The following ASCC3 variants were observed in gnomAD, a reference collection of about 807,000 sequenced individuals.
ASCC3 encodes the protein activating signal cointegrator 1 complex subunit 3.
A neutral mutation model predicts 256.3 loss-of-function variants in ASCC3; 158 were observed. That is an observed-to-expected ratio of 0.62 (90% CI 0.54 to 0.70). ASCC3 has a LOEUF of 0.70. ASCC3 is among the 30% of genes least tolerant of loss of function. The probability of loss-of-function intolerance (pLI) is 0.00; values close to 1 mark genes in which losing one functional copy is unlikely to be tolerated. For synonymous variants in ASCC3, 948 were observed against 883.4 expected, an observed-to-expected ratio of 1.07 and a Z score of -1.30; for missense variants, 2,259 against 2,626.0, an observed-to-expected ratio of 0.86 and a Z score of 3.05.
At chr6:100,690,361 A>G (rs1777785559) in intron 13 of ASCC3, among the ~76,000 whole-genome samples, 1 of 152,146 alleles carries the variant, frequency 6.6e-6, no homozygotes, top group Non-Finnish European at 1.5e-5. Flanking sequence ...AGAACCCATG[A>G]ATATGGAGAG....
Position 100,817,245 on chromosome 6 carries a change from T to G in ASCC3, c.802-11365A>C, listed in dbSNP as rs563095057. Among the ~76,000 whole-genome samples, 18 of 151,502 alleles carry G rather than the reference T, an allele frequency of 1.2e-4. No homozygotes were observed. The South Asian group carries it at 3.5e-3, about 30-fold the overall frequency. On this transcript the variant is annotated intron_variant, in intron 4 of 41. Coordinates refer to ENST00000369162, the MANE Select transcript of ASCC3 (RefSeq NM_006828.4). The stretch of plus-strand genomic sequence containing the variant: ...TATGTGAGATGAATGAAAATAAAGA[T>G]CCAACAGAACAAAACTTACGGGATT...
At chr6:100,865,614 G>A (rs116425572) in intron 2 of ASCC3, among the ~76,000 whole-genome samples, 60 of 152,068 alleles carry the variant, frequency 3.9e-4, no homozygotes, top group African/African-American at 1.1e-3. Flanking sequence ...ACTCCTTCCC[G>A]GTATCAATCT....
chr6:100,614,404 T>A (rs943974173), intron 30 of ASCC3, among the ~76,000 whole-genome samples: 5 of 152,226 alleles, frequency 3.3e-5, no homozygotes, highest in African/African-American at 1.2e-4. Flanking sequence ...CATGTTGCTA[T>A]ACAATCACAG....
At chr6:100,520,601 G>A (rs963786420) in intron 37 of ASCC3, among the ~76,000 whole-genome samples, 2 of 152,028 alleles carry the variant, frequency 1.3e-5, no homozygotes, top group Non-Finnish European at 2.9e-5. Flanking sequence ...GATCAATAAC[G>A]AATGAACCTG....
chr6:100,851,896 C>T (rs143296724), intron 3 of ASCC3, among the ~76,000 whole-genome samples: 2 of 152,326 alleles, frequency 1.3e-5, no homozygotes, highest in East Asian at 3.9e-4. Flanking sequence ...CTTCCACTTT[C>T]ACCATCTTCC....
intron 8 of ASCC3, among the ~76,000 whole-genome samples, chr6:100,770,017 G>A (rs1781844409): frequency 6.6e-6 from 1 of 151,296 alleles, no homozygotes. Context: ...AATTTAAGAT[G>A]GAAATAATAT....
intron 4 of ASCC3, among the ~76,000 whole-genome samples, chr6:100,808,504 T>C (rs1770300767): frequency 6.6e-6 from 1 of 151,920 alleles, no homozygotes; most frequent in African/African-American, 2.4e-5. Context: ...GGATTCCCTT[T>C]GTAGGCTTAA....
At chr6:100,614,887 T>C (rs1359193241) in intron 30 of ASCC3, among the ~76,000 whole-genome samples, 1 of 152,198 alleles carries the variant, frequency 6.6e-6, no homozygotes, top group African/African-American at 2.4e-5. Context: ...ATGAAGAATG[T>C]CTAAAATTAT....
intron 1 of ASCC3, among the ~76,000 whole-genome samples, chr6:100,872,881 GAAC>G (rs1364101146): frequency 2.0e-5 from 3 of 152,246 alleles, no homozygotes; most frequent in Admixed American, 6.5e-5. Flanking sequence ...AAAATAATCT[GAAC>G]AACAGCCTTG....
chr6:100,699,484 T>C (rs1027064715), intron 13 of ASCC3, among the ~76,000 whole-genome samples: 1 of 152,168 alleles, frequency 6.6e-6, no homozygotes, highest in Non-Finnish European at 1.5e-5. Context: ...CAGTCTTAGG[T>C]AAGTCTTTAT....
chr6:100,743,692 T>G (rs985666505), intron 10 of ASCC3, among the ~76,000 whole-genome samples: 2 of 152,226 alleles, frequency 1.3e-5, no homozygotes, highest in African/African-American at 4.8e-5. Context: ...ATATACTATA[T>G]CTGATATATT....
intron 13 of ASCC3, among the ~76,000 whole-genome samples, chr6:100,684,013 A>G (rs917349504): frequency 9.2e-5 from 14 of 152,176 alleles, no homozygotes; most frequent in African/African-American, 2.9e-4. Flanking sequence ...CTTGTCAAAG[A>G]AAGTGTTCTT....
chr6:100,683,620 G>C (rs1197136026), intron 13 of ASCC3, among the ~76,000 whole-genome samples: 1 of 151,952 alleles, frequency 6.6e-6, no homozygotes, highest in East Asian at 1.9e-4. Context: ...TGTTTCATTT[G>C]ACAGAAATAA....
intron 36 of ASCC3, among the ~76,000 whole-genome samples, chr6:100,585,132 G>A (rs887265763): frequency 6.6e-6 from 1 of 152,144 alleles, no homozygotes; most frequent in African/African-American, 2.4e-5. Flanking sequence ...GGCCTGCCTT[G>A]CTAGATTGGG....
At chr6:100,579,104 T>A (rs558682995) in intron 36 of ASCC3, among the ~76,000 whole-genome samples, 2 of 152,082 alleles carry the variant, frequency 1.3e-5, no homozygotes, top group African/African-American at 4.8e-5. Context: ...TTTTTTCCTA[T>A]GCTTGTTGGT....
intron 22 of ASCC3, among the ~76,000 whole-genome samples, chr6:100,646,306 CTAT>C (rs1016115744): frequency 6.6e-6 from 1 of 151,742 alleles, no homozygotes; most frequent in East Asian, 1.9e-4. Flanking sequence ...TAATTTTTTA[CTAT>C]TATTATTATT....
At chr6:100,628,091 C>CAAAAAAAAAAAAAAAAA in intron 27 of ASCC3, 104 bp from the exon 28 acceptor site, 1 of 843,698 alleles carries the variant, frequency 1.2e-6, no homozygotes, top group Non-Finnish European at 1.7e-6. Context: ...AAAACAAAAA[C>CAAAAAAAAAAAAAAAAA]AAAAAAAAAA....
intron 3 of ASCC3, among the ~76,000 whole-genome samples, chr6:100,849,299 C>T (rs1201829704): frequency 1.3e-5 from 2 of 152,108 alleles, no homozygotes; most frequent in Non-Finnish European, 2.9e-5. Flanking sequence ...CAACTTGAGA[C>T]ACTAGCTAAA....
intron 24 of ASCC3, among the ~76,000 whole-genome samples, chr6:100,640,449 A>C (rs1218236651): frequency 6.6e-6 from 1 of 152,148 alleles, no homozygotes; most frequent in Non-Finnish European, 1.5e-5. Flanking sequence ...TTGTAGTCAG[A>C]ACTCAGCTAA....
Sources: allele counts gnomAD v4.1 joint callset (sites outside exome capture counted in the v4.1 genomes callset), GRCh38; gene constraint gnomAD v4.1.1; transcripts MANE v1.5; gene names NCBI Gene and HGNC (gene_info 2026-07-23, HGNC 2026-07-21).